Variants in NFXL1 observed in about 807,000 individuals in gnomAD.
The protein encoded by NFXL1 is NF-X1-type zinc finger protein NFXL1.
NFXL1 carries 66 observed loss-of-function variants against 123.3 expected under a neutral mutation model. That is an observed-to-expected ratio of 0.54 (90% CI 0.44 to 0.66). The LOEUF (loss-of-function observed/expected upper bound fraction) is 0.66. Ranked by LOEUF, NFXL1 falls within the 30% of genes least tolerant of loss-of-function variation. NFXL1 has a pLI of 0.00. For synonymous variants in NFXL1, 346 were observed against 360.8 expected (o/e 0.96, Z 0.46); for missense variants, 944 against 1,125.6 (o/e 0.84, Z 2.31).
At chr4:47,886,614 C>T (rs1034329688) in intron 12 of NFXL1, among the ~76,000 whole-genome samples, 1 of 152,170 alleles carries the variant, frequency 6.6e-6, no homozygotes, top group Non-Finnish European at 1.5e-5. Flanking sequence ...AAGCAATCTT[C>T]CCACCTCAGC....
In NFXL1 at chr4:47,878,788, GAATAAT is replaced by G. The variant is rs571196112; in HGVS notation, c.1939-129_1939-124del. On this transcript the variant is annotated intron_variant, in intron 16 of 22. Transcript: ENST00000507489. ...GTTTCAGAAAGGTATAAGTTTGCAC[GAATAAT>G]AATAATATCAAAATCAAAGTAACCT... 249 of 636,902 alleles carry G rather than the reference GAATAAT, an allele frequency of 3.9e-4. 1 individual carries two copies. The East Asian group carries it at 7.7e-3, about 20-fold the overall frequency. 39.5% of individuals were successfully genotyped at this position (636,902 alleles called of 1,614,324 possible). A position where few individuals can be genotyped will look rare whatever the true frequency, so the allele number is the denominator to read the frequency against.
At chr4:47,907,263 G>A (rs1737603640) in intron 3 of NFXL1, among the ~76,000 whole-genome samples, 3 of 152,310 alleles carry the variant, frequency 2.0e-5, no homozygotes, top group South Asian at 4.1e-4. Flanking sequence ...GAGCTAACAT[G>A]GGCAGAGGGA....
intron 18 of NFXL1, among the ~76,000 whole-genome samples, chr4:47,869,288 A>G (rs1735290263): frequency 6.6e-6 from 1 of 152,220 alleles, no homozygotes; most frequent in Admixed American, 6.5e-5. Flanking sequence ...CAGCATTTTC[A>G]ATATAAGACA....
intron 19 of NFXL1, among the ~76,000 whole-genome samples, chr4:47,855,917 C>T (rs1245229699): frequency 1.3e-5 from 2 of 152,138 alleles, no homozygotes; most frequent in Non-Finnish European, 2.9e-5. Context: ...CTTATCCACA[C>T]TTTAAGACAT....
At chr4:47,888,516 G>C (rs1475800672) in intron 12 of NFXL1, among the ~76,000 whole-genome samples, 1 of 151,798 alleles carries the variant, frequency 6.6e-6, no homozygotes, top group Admixed American at 6.6e-5. Context: ...TGACTAATAA[G>C]CTTTTCTAAG....
Position 47,864,298 on chromosome 4 carries a change from T to A in NFXL1, c.2247-1383A>T, listed in dbSNP as rs149809678. 3.9e-5 allele frequency among the ~76,000 whole-genome samples: 6 copies of A among 152,236 alleles called. No homozygotes were observed. In the East Asian group the frequency reaches 9.6e-4, roughly 24 times the overall value. ...AAAAAGACTATGGTATAATAATATA[T>A]ACATATTGGTTTTCGTCCACGGTTC... On this transcript the variant is annotated intron_variant, in intron 18 of 22. Transcript: ENST00000507489.
Position 47,890,660 on chromosome 4 carries a change from C to A in NFXL1, c.1496G>T (p.Arg499Leu), listed in dbSNP as rs371099653. Reference sequence around the variant, plus strand: ...CTTATGGTTTCTACATCCTAAAGTCCGTCCACAGTTTTGATCACAAGGTGG... The same window carrying A: ...CTTATGGTTTCTACATCCTAAAGTCAGTCCACAGTTTTGATCACAAGGTGG... ...NCPPCDQNCG[R>L]TLGCRNHKCP... Residue 499 changes from arginine to leucine, a missense_variant, in exon 12 of 23, where the codon CGG (arginine) becomes CTG (leucine). By Grantham distance (102) the Arg-to-Leu change is moderately radical (BLOSUM62 -2). Coordinates refer to ENST00000507489, the MANE Select transcript of NFXL1 (RefSeq NM_001278624.2). 6.2e-7 allele frequency: 1 copy of A among 1,611,238 alleles called. No homozygotes were observed. The highest frequency in any genetic ancestry group is 1.3e-5 in the African/African-American group (1 of 74,928).
chr4:47,908,292 T>C (rs1170401756), intron 3 of NFXL1, among the ~76,000 whole-genome samples: 1 of 151,976 alleles, frequency 6.6e-6, no homozygotes, highest in Non-Finnish European at 1.5e-5. Flanking sequence ...GGCATGGTGG[T>C]GTGTGCTTGC....
At position 47,914,023 on chromosome 4, in the gene NFXL1, C is replaced by A. The variant is rs143812752; in HGVS notation, c.181G>T (p.Gly61Trp). ...GATCCTGCGGGGCTGTGCCTGCTCCCTGCAGCCGCCGTGGTCGCGACTCCT... is the reference window on the plus strand; with the variant it reads ...GATCCTGCGGGGCTGTGCCTGCTCCATGCAGCCGCCGTGGTCGCGACTCCT... ...PGGVATTAAA[G>W]SRHSPAGSQA... is the part of the protein sequence containing the mutation. Residue 61 changes from glycine to tryptophan, a missense_variant, in exon 2 of 23, where the codon GGG (glycine) becomes TGG (tryptophan). By Grantham distance (184) the Gly-to-Trp change is radical. This residue lies in a region of NFXL1 where 303 missense variants were observed against 292.1 expected (regional missense o/e 1.04). Transcript: ENST00000507489. 5.1e-5 allele frequency: 79 copies of A among 1,548,842 alleles called. No homozygotes were observed. The highest frequency in any genetic ancestry group is 6.5e-5 in the Non-Finnish European group (75 of 1,146,912).
At chr4:47,908,276 T>C (rs894285037) in intron 3 of NFXL1, among the ~76,000 whole-genome samples, 1 of 152,012 alleles carries the variant, frequency 6.6e-6, no homozygotes, top group African/African-American at 2.4e-5. Flanking sequence ...CTAAAAAAAT[T>C]AACCAGGCAT....
Position 47,898,824 on chromosome 4 carries a change from T to C in NFXL1, c.1022A>G (p.Gln341Arg). Residue 341 changes from glutamine to arginine, a missense_variant, in exon 8 of 23, where the codon CAA (glutamine) becomes CGA (arginine). This residue lies in a region of NFXL1 where 296 missense variants were observed against 395.1 expected (regional missense o/e 0.75). Coordinates refer to ENST00000507489, the MANE Select transcript of NFXL1 (RefSeq NM_001278624.2). The stretch of plus-strand genomic sequence containing the variant: ...TACTTTTTTGCCACAGACACACTTT[T>C]GTCTACTAACTCTTGGACAAGGCTG... ...SCQPCPRVSR[Q>R]KCVCGKKVAE... 6.2e-7 allele frequency: 1 copy of C among 1,614,024 alleles called. No individual in the cohort carries two copies. Among genetic ancestry groups the C allele is most frequent in the Non-Finnish European group, 8.5e-7 (1 of 1,179,892 alleles).
intron 5 of NFXL1, among the ~76,000 whole-genome samples, chr4:47,901,473 T>C (rs1737352466): frequency 6.6e-6 from 1 of 152,116 alleles, no homozygotes; most frequent in Admixed American, 6.5e-5. Context: ...TAAAAAAATA[T>C]ATACATAAGG....
At chr4:47,880,797 A>G (rs893312273) in intron 15 of NFXL1, among the ~76,000 whole-genome samples, 1 of 132,608 alleles carries the variant, frequency 7.5e-6, no homozygotes, top group African/African-American at 2.8e-5. Context: ...CAGTAAACCT[A>G]ATTAATGAGT....
chr4:47,903,451 C>T, intron 4 of NFXL1, 128 bp from the exon 5 acceptor site: 1 of 474,836 alleles, frequency 2.1e-6, no homozygotes, highest in East Asian at 4.1e-5. Flanking sequence ...AAGGTCTTTC[C>T]TTCCAGTATA....
intron 22 of NFXL1, 74 bp from the exon 23 acceptor site, chr4:47,848,410 T>C (rs1413163175): frequency 3.5e-6 from 4 of 1,159,000 alleles, no homozygotes; most frequent in Non-Finnish European, 4.9e-6. Context: ...TACATAAAAA[T>C]CAATTTGGGT....
chr4:47,867,664 T>C (rs188908216), intron 18 of NFXL1, among the ~76,000 whole-genome samples: 2 of 148,140 alleles, frequency 1.4e-5, no homozygotes, highest in African/African-American at 4.9e-5. Flanking sequence ...AGGAGGGAAG[T>C]GAAGGAGAAA....
chr4:47,872,102 G>A (rs1735473446), intron 18 of NFXL1, among the ~76,000 whole-genome samples: 1 of 152,102 alleles, frequency 6.6e-6, no homozygotes, highest in Non-Finnish European at 1.5e-5. Flanking sequence ...TCATATCCTA[G>A]TGTGATAGGT....
intron 3 of NFXL1, among the ~76,000 whole-genome samples, chr4:47,905,996 T>A (rs56687540): frequency 0.039 from 5,940 of 152,290 alleles, 390 homozygotes; most frequent in African/African-American, 0.14. Flanking sequence ...TCAATAGGAT[T>A]AAATGAGCTA....
Position 47,903,292 on chromosome 4 carries a change from A to C in NFXL1, c.548T>G (p.Phe183Cys). 1 of 1,591,108 alleles carries C rather than the reference A, an allele frequency of 6.3e-7. No individual in the cohort carries two copies. The highest frequency in any genetic ancestry group is 8.6e-7 in the Non-Finnish European group (1 of 1,169,008). The change falls in exon 5 of 23, where the codon TTT becomes TGT. Residue 183 changes from phenylalanine (F) to cysteine (C), a missense_variant. By Grantham distance (205) the Phe-to-Cys change is radical. Around this residue, in one of 4 missense-constraint regions of NFXL1, gnomAD observed 303 missense variants for 292.1 expected, o/e 1.04. Transcript: ENST00000507489. ...VWSCSGCFCI[F>C]HMPCIQKWAK... ...CCACTTCTGGATACAGGGCATGTGA[A>C]ATATACAGAAACATCCCGAACAGCT...
Sources: allele counts gnomAD v4.1 joint callset (sites outside exome capture counted in the v4.1 genomes callset), GRCh38; gene constraint gnomAD v4.1.1; regional missense constraint gnomAD v4.1.1; transcripts MANE v1.5; gene names NCBI Gene and HGNC (gene_info 2026-07-23, HGNC 2026-07-21).